RCAN1: variants seen among roughly 807,000 people sequenced by gnomAD.
RCAN1 encodes calcipressin-1.
In RCAN1, 11 loss-of-function variants were observed where a neutral mutation model predicts 22.9. The ratio of observed to expected loss-of-function variants is 0.48; its 90% CI spans 0.30 to 0.79. RCAN1 has a LOEUF of 0.79. Ranked by LOEUF, RCAN1 falls within the 30% of genes least tolerant of loss-of-function variation. RCAN1 has a pLI of 0.06. For missense variants in RCAN1, 291 were observed against 337.8 expected (o/e 0.86, Z 1.09); for synonymous variants, 136 against 142.3 (o/e 0.96, Z 0.32).
At chr21:34,519,397 C>CTTTTTTTTTTTTTTTTTTT (rs34152667) in intron 3 of RCAN1, among the ~76,000 whole-genome samples, 19 of 102,784 alleles carry the variant, frequency 1.8e-4, no homozygotes, top group South Asian at 3.5e-4. Context: ...TTCTTTCTTT[C>CTTTTTTTTTTTTTTTTTTT]TTTTTTTTTT....
intron 1 of RCAN1, among the ~76,000 whole-genome samples, chr21:34,558,627 CAACTT>C (rs150097572): frequency 1.1e-5 from 1 of 89,030 alleles, no homozygotes; most frequent in Non-Finnish European, 2.1e-5. Flanking sequence ...CCATCTCAAA[CAACTT>C]AACGTATTTC....
intron 1 of RCAN1, among the ~76,000 whole-genome samples, chr21:34,536,458 C>T (rs541855852): frequency 6.6e-6 from 1 of 152,170 alleles, no homozygotes; most frequent in Admixed American, 6.5e-5. Flanking sequence ...GTCTGGTTAG[C>T]CCTCATCCCT....
At chr21:34,543,511 G>A (rs1168768142) in intron 1 of RCAN1, among the ~76,000 whole-genome samples, 1 of 152,170 alleles carries the variant, frequency 6.6e-6, no homozygotes, top group African/African-American at 2.4e-5. Flanking sequence ...TGATTTTGGA[G>A]TTTGATCTCC....
intron 1 of RCAN1, among the ~76,000 whole-genome samples, chr21:34,581,969 G>A (rs76081177): frequency 0.015 from 2,237 of 152,246 alleles, 52 homozygotes; most frequent in East Asian, 0.093. Context: ...CAAGCCAGAC[G>A]AGTCATCTAC....
intron 1 of RCAN1, among the ~76,000 whole-genome samples, chr21:34,557,106 G>A (rs566669669): frequency 1.5e-3 from 229 of 152,260 alleles, no homozygotes; most frequent in African/African-American, 5.4e-3. Context: ...TCAGCTACTC[G>A]GGAGGCTGAG....
intron 1 of RCAN1, among the ~76,000 whole-genome samples, chr21:34,582,603 C>T (rs142238265): frequency 2.2e-4 from 34 of 152,242 alleles, no homozygotes; most frequent in African/African-American, 5.1e-4. Flanking sequence ...CGAGGAGGAG[C>T]TGAATCTGGA....
chr21:34,587,447 A>G (rs1218211775), intron 1 of RCAN1, among the ~76,000 whole-genome samples: 2 of 152,166 alleles, frequency 1.3e-5, no homozygotes, highest in Non-Finnish European at 2.9e-5. Flanking sequence ...CTTTTAGCAT[A>G]ACCTTGATCC....
At chr21:34,526,997 G>T in intron 1 of RCAN1, 1 of 1,301,500 alleles carries the variant, frequency 7.7e-7, no homozygotes, top group Middle Eastern at 2.9e-4. Context: ...GGAAAGAGGT[G>T]ACGTCAACAC....
chr21:34,556,080 A>G (rs1986555428), intron 1 of RCAN1, among the ~76,000 whole-genome samples: 1 of 105,212 alleles, frequency 9.5e-6, no homozygotes, highest in Non-Finnish European at 1.9e-5. Context: ...AAATAAATAA[A>G]TAAATAAATA....
chr21:34,538,858 G>A (rs948597307), intron 1 of RCAN1, among the ~76,000 whole-genome samples: 7 of 152,152 alleles, frequency 4.6e-5, no homozygotes, highest in Non-Finnish European at 1.0e-4. Flanking sequence ...GACCTGGGGT[G>A]TGTCACTGTG....
intron 1 of RCAN1, among the ~76,000 whole-genome samples, chr21:34,575,384 G>A (rs2154440): frequency 0.042 from 6,411 of 152,202 alleles, 434 homozygotes; most frequent in African/African-American, 0.14. Flanking sequence ...TGAGCTTCTA[G>A]CGTATGCCAA....
intron 1 of RCAN1, chr21:34,526,650 T>C (rs1568885918): frequency 6.2e-7 from 1 of 1,610,384 alleles, no homozygotes; most frequent in South Asian, 1.1e-5. Flanking sequence ...TCACGTTATA[T>C]TAGAAGCCTT....
At chr21:34,569,388 C>G (rs986133499) in intron 1 of RCAN1, among the ~76,000 whole-genome samples, 1 of 152,204 alleles carries the variant, frequency 6.6e-6, no homozygotes, top group East Asian at 1.9e-4. Context: ...GACTGGGCCT[C>G]AAATAAGAGC....
chr21:34,556,744 G>A (rs913226367), intron 1 of RCAN1, among the ~76,000 whole-genome samples: 23 of 152,316 alleles, frequency 1.5e-4, no homozygotes, highest in African/African-American at 5.1e-4. Flanking sequence ...TCAGTGCACC[G>A]TTCAGGTGAA....
intron 1 of RCAN1, among the ~76,000 whole-genome samples, chr21:34,565,451 T>C (rs1986965366): frequency 6.6e-6 from 1 of 152,186 alleles, no homozygotes; most frequent in Admixed American, 6.5e-5. Flanking sequence ...CAATGTCACC[T>C]ATCCTATCCC....
At chr21:34,579,588 G>A (rs925318911) in intron 1 of RCAN1, among the ~76,000 whole-genome samples, 1 of 152,150 alleles carries the variant, frequency 6.6e-6, no homozygotes, top group Admixed American at 6.5e-5. Context: ...CTCAATGCAT[G>A]TATGTGACAA....
chr21:34,572,250 G>A (rs570275726), intron 1 of RCAN1, among the ~76,000 whole-genome samples: 3 of 152,288 alleles, frequency 2.0e-5, no homozygotes, highest in South Asian at 2.1e-4. Flanking sequence ...TAGGTTGTCC[G>A]AGGGCTGGAC....
At chr21:34,521,362 G>C (rs1427936307) in intron 3 of RCAN1, 137 bp downstream of exon 3, 7 of 1,539,460 alleles carry the variant, frequency 4.5e-6, no homozygotes, top group Non-Finnish European at 6.1e-6. Context: ...CGGTGGCGCA[G>C]AAGAATACAG....
At chr21:34,558,595 T>C (rs1986673899) in intron 1 of RCAN1, among the ~76,000 whole-genome samples, 1 of 151,954 alleles carries the variant, frequency 6.6e-6, no homozygotes, top group Non-Finnish European at 1.5e-5. Context: ...CTATATACCC[T>C]TCAGCTCTAC....
Sources: gnomAD v4.1 joint callset for allele counts (sites outside exome capture counted in the v4.1 genomes callset) on GRCh38, gnomAD v4.1.1 for gene constraint, MANE v1.5 for transcripts, NCBI Gene and HGNC (gene_info 2026-07-23, HGNC 2026-07-21) for gene names.